PREX2: variants seen among roughly 807,000 people sequenced by gnomAD.
PREX2 encodes the protein phosphatidylinositol-3,4,5-trisphosphate dependent Rac exchange factor 2.
A neutral mutation model predicts 203.2 loss-of-function variants in PREX2; 107 were observed. The ratio of observed to expected loss-of-function variants is 0.53; its 90% CI spans 0.45 to 0.62. The LOEUF (loss-of-function observed/expected upper bound fraction) is 0.62. Ranked by LOEUF, PREX2 falls within the 20% of genes least tolerant of loss-of-function variation. The pLI is 0.00. For synonymous variants in PREX2, 672 were observed against 663.6 expected, an observed-to-expected ratio of 1.01 and a Z score of -0.19; for missense variants, 1,777 against 1,955.9, an observed-to-expected ratio of 0.91 and a Z score of 1.72.
chr8:67,976,874 G>A (rs777016024), intron 1 of PREX2, among the ~76,000 whole-genome samples: 66 of 152,278 alleles, frequency 4.3e-4, no homozygotes, highest in Non-Finnish European at 8.4e-4. Context: ...GGGATGAAGT[G>A]ATGGAGCCAT....
chr8:68,080,963 T>C (rs2129611906), intron 17 of PREX2, 125 bp downstream of exon 17: 1 of 671,458 alleles, frequency 1.5e-6, no homozygotes, highest in Non-Finnish European at 2.6e-6. Flanking sequence ...AAACATAATG[T>C]CTCTGGATAA....
intron 21 of PREX2, among the ~76,000 whole-genome samples, 155 bp from the exon 22 acceptor site, chr8:68,096,862 T>C (rs1190117332): frequency 3.9e-5 from 6 of 152,222 alleles, no homozygotes; most frequent in South Asian, 2.1e-4. Context: ...TGTTATTTTT[T>C]AAAATGTTAA....
intron 37 of PREX2, among the ~76,000 whole-genome samples, chr8:68,200,646 T>C (rs899972386): frequency 6.6e-6 from 1 of 152,088 alleles, no homozygotes; most frequent in Non-Finnish European, 1.5e-5. Context: ...CCTAATAAAT[T>C]AGTATCTTGA....
At chr8:68,209,052 G>A (rs1051053983) in intron 37 of PREX2, among the ~76,000 whole-genome samples, 30 of 137,652 alleles carry the variant, frequency 2.2e-4, no homozygotes, top group African/African-American at 8.0e-4. Context: ...TAGCGACAGA[G>A]CAAGACCTGG....
intron 14 of PREX2, among the ~76,000 whole-genome samples, chr8:68,077,092 A>G (rs1005273543): frequency 3.3e-5 from 5 of 152,256 alleles, no homozygotes; most frequent in Admixed American, 1.3e-4. Context: ...TAAGAAATCT[A>G]ATCTAAGAAA....
chr8:68,178,381 T>A (rs1812023530), intron 35 of PREX2, among the ~76,000 whole-genome samples: 1 of 152,200 alleles, frequency 6.6e-6, no homozygotes, highest in South Asian at 2.1e-4. Context: ...TCAGTGATGT[T>A]GAGCTTTTTT....
chr8:68,003,432 T>C (rs1807002629), intron 1 of PREX2, among the ~76,000 whole-genome samples: 1 of 152,208 alleles, frequency 6.6e-6, no homozygotes, highest in South Asian at 2.1e-4. Flanking sequence ...GCCACCTTTC[T>C]TGGGTGGAGC....
intron 37 of PREX2, among the ~76,000 whole-genome samples, chr8:68,208,358 C>T (rs879585252): frequency 3.3e-5 from 5 of 151,546 alleles, no homozygotes; most frequent in Non-Finnish European, 7.4e-5. Context: ...TCATAAATCA[C>T]GAAACAAAGA....
intron 39 of PREX2, 53 bp from the exon 40 acceptor site, chr8:68,231,280 C>G (rs1337042547): frequency 7.5e-7 from 1 of 1,332,492 alleles, no homozygotes; most frequent in African/African-American, 1.5e-5. Flanking sequence ...AAAGACACCT[C>G]ATGTAATGGT....
chr8:68,053,047 A>G, intron 8 of PREX2, 50 bp from the exon 9 acceptor site: 1 of 1,528,396 alleles, frequency 6.5e-7, no homozygotes, highest in Non-Finnish European at 8.9e-7. Context: ...TGGATATAAT[A>G]ATATTGTGTA....
chr8:68,198,382 G>C (rs1812440489), intron 37 of PREX2, among the ~76,000 whole-genome samples: 2 of 152,142 alleles, frequency 1.3e-5, no homozygotes, highest in African/African-American at 4.8e-5. Flanking sequence ...ATCTTTTTAA[G>C]ATATTGAGTC....
chr8:67,978,183 G>A (rs887696872), intron 1 of PREX2, among the ~76,000 whole-genome samples: 3 of 152,136 alleles, frequency 2.0e-5, no homozygotes, highest in African/African-American at 7.2e-5. Flanking sequence ...TACTTGGTGT[G>A]TGGGGAAATC....
chr8:68,037,421 C>T (rs762910658), intron 6 of PREX2, among the ~76,000 whole-genome samples: 9 of 152,090 alleles, frequency 5.9e-5, no homozygotes, highest in Non-Finnish European at 8.8e-5. Flanking sequence ...GTGCATCTCC[C>T]ACCACAGTCC....
At position 68,108,578 on chromosome 8, in the gene PREX2, T is replaced by C. The variant is rs578170484; in HGVS notation, c.2938+247T>C. Among the ~76,000 whole-genome samples, 3 of 152,342 alleles carry C rather than the reference T, an allele frequency of 2.0e-5. No homozygotes were observed. In the South Asian group the frequency reaches 6.2e-4, roughly 32 times the overall value. The stretch of plus-strand genomic sequence containing the variant: ...ATTGCTCTTGCTTTCCTTATGCATA[T>C]GATAGGCACAGCTCATCTTGCTGTG... On this transcript the variant is annotated intron_variant, in intron 24 of 39. Coordinates refer to ENST00000288368, the MANE Select transcript of PREX2 (RefSeq NM_024870.4).
chr8:68,234,933 G>A lies in PREX2; in HGVS notation c.*3555G>A, dbSNP rs966267086. On this transcript the variant is annotated 3_prime_UTR_variant, in exon 40 of 40. Transcript: ENST00000288368. Reference sequence around the variant, plus strand: ...TGAAATTGACCTTGATACTAACTTTGAGAGCCAAAAAAATGAATGGGTAAA... The same window carrying A: ...TGAAATTGACCTTGATACTAACTTTAAGAGCCAAAAAAATGAATGGGTAAA... The A allele has an allele frequency of 3.9e-5, 6 of 151,978 alleles. No individual in the cohort carries two copies. The highest frequency in any genetic ancestry group is 1.4e-4 in the African/African-American group (6 of 41,396). The allele number at this position is 151,978 out of a possible 1,614,324, so 9.4% of individuals were successfully genotyped here.
intron 37 of PREX2, among the ~76,000 whole-genome samples, chr8:68,207,177 A>C (rs868672616): frequency 6.6e-6 from 1 of 152,200 alleles, no homozygotes; most frequent in Non-Finnish European, 1.5e-5. Flanking sequence ...ATTCAAACAG[A>C]GTTGTTAACC....
At chr8:68,042,968 A>G (rs373161223) in intron 7 of PREX2, among the ~76,000 whole-genome samples, 2 of 152,268 alleles carry the variant, frequency 1.3e-5, no homozygotes, top group African/African-American at 4.8e-5. Flanking sequence ...GCCTGTGACT[A>G]AAACTGTTAA....
intron 34 of PREX2, among the ~76,000 whole-genome samples, chr8:68,156,872 T>C (rs902493620): frequency 6.6e-6 from 1 of 152,198 alleles, no homozygotes; most frequent in African/African-American, 2.4e-5. Context: ...GTTTCCTTTA[T>C]GGATGTAAAT....
intron 18 of PREX2, among the ~76,000 whole-genome samples, chr8:68,085,328 A>AT (rs1262716621): frequency 6.6e-6 from 1 of 152,138 alleles, no homozygotes; most frequent in Non-Finnish European, 1.5e-5. Flanking sequence ...TAGCATACTC[A>AT]TTTTTTTGAA....
Sources: allele counts gnomAD v4.1 joint callset (sites outside exome capture counted in the v4.1 genomes callset), GRCh38; gene constraint gnomAD v4.1.1; transcripts MANE v1.5; gene names NCBI Gene and HGNC (gene_info 2026-07-23, HGNC 2026-07-21).